Variants in MILR1 observed in about 807,000 individuals in gnomAD.
The protein encoded by MILR1 is mast cell immunoglobulin like receptor 1.
MILR1 carries 31 observed loss-of-function variants against 18.5 expected under a neutral mutation model. The ratio of observed to expected loss-of-function variants is 1.68; its 90% CI spans 1.26 to 2.26. The LOEUF is 2.26. Among genes scored for constraint, MILR1 ranks in the 30% most tolerant of loss-of-function variants. The pLI is 0.00. For synonymous variants in MILR1, 85 were observed against 56.2 expected (o/e 1.51, Z -2.30); for missense variants, 257 against 157.4 (o/e 1.63, Z -3.38).
chr17:64,495,512 G>C, the MILR1 span, among the ~76,000 whole-genome samples: 1 of 152,144 alleles, frequency 6.6e-6, no homozygotes, highest in African/African-American at 2.4e-5. Context: ...CCGAGGTCGA[G>C]GCTGCAGTGA....
chr17:64,483,648 C>T, the MILR1 span, among the ~76,000 whole-genome samples: 1 of 151,810 alleles, frequency 6.6e-6, no homozygotes, highest in Non-Finnish European at 1.5e-5. Flanking sequence ...CTTTCTCTCT[C>T]TTGTCAAAAC....
chr17:64,488,490 C>T, the MILR1 span, among the ~76,000 whole-genome samples: 1 of 152,034 alleles, frequency 6.6e-6, no homozygotes, highest in Non-Finnish European at 1.5e-5. Context: ...ACAGCTTGAG[C>T]CCAGGAATTC....
intron 5 of MILR1, among the ~76,000 whole-genome samples, chr17:64,461,727 C>A (rs2037436328): frequency 1.3e-5 from 2 of 152,100 alleles, no homozygotes; most frequent in African/African-American, 4.8e-5. Flanking sequence ...ACTTTTTCAT[C>A]TTCCCAAACT....
At chr17:64,477,004 T>C in the MILR1 span, among the ~76,000 whole-genome samples, 1 of 152,206 alleles carries the variant, frequency 6.6e-6, no homozygotes, top group Non-Finnish European at 1.5e-5. Context: ...AGATTTCTTA[T>C]AAACATAGAT....
chr17:64,455,157 C>G (rs1462645111), intron 3 of MILR1, among the ~76,000 whole-genome samples: 1 of 152,200 alleles, frequency 6.6e-6, no homozygotes, highest in African/African-American at 2.4e-5. Flanking sequence ...CTCTAGTGGT[C>G]AGACTCCTGC....
At chr17:64,474,982 T>C in the MILR1 span, among the ~76,000 whole-genome samples, 1 of 151,810 alleles carries the variant, frequency 6.6e-6, no homozygotes, top group Non-Finnish European at 1.5e-5. Flanking sequence ...TCACCTGAGG[T>C]CAGGAGTTCA....
chr17:64,485,579 C>T, the MILR1 span: 5 of 685,616 alleles, frequency 7.3e-6, no homozygotes, highest in Admixed American at 1.2e-4. Flanking sequence ...TTCCTGTGGC[C>T]AGATTCTAAA....
chr17:64,452,679 C>T lies in MILR1; in HGVS notation c.180C>T (p.Asn60=), dbSNP rs923592798. 1.1e-5 allele frequency: 5 copies of T among 472,970 alleles called. No individual in the cohort carries two copies. Among genetic ancestry groups the T allele is most frequent in the African/African-American group, 7.9e-5 (4 of 50,460 alleles). The allele number at this position is 472,970 out of a possible 1,614,324, so 29.3% of individuals were successfully genotyped here. A position where few individuals can be genotyped will look rare whatever the true frequency, so the allele number is the denominator to read the frequency against. Residue 60 remains asparagine, a synonymous_variant, in exon 3 of 10, where the codon AAC becomes AAT. Coordinates refer to ENST00000619286, the MANE Select transcript of MILR1 (RefSeq NM_001085423.2). Reference sequence around the variant, plus strand: ...TATCTATGTTTTGTTCCCATAAGAACAAATCACTGCAGATCACCTATTCAT... The same window carrying T: ...TATCTATGTTTTGTTCCCATAAGAATAAATCACTGCAGATCACCTATTCAT... ...QNVSMFCSHK[N]KSLQITYSLF...
chr17:64,493,408 C>A, the MILR1 span, among the ~76,000 whole-genome samples: 1 of 152,036 alleles, frequency 6.6e-6, no homozygotes, highest in South Asian at 2.1e-4. Flanking sequence ...CAGAGTGAAA[C>A]CCTGTCTTAA....
chr17:64,496,452 T>C, the MILR1 span: 1 of 1,595,026 alleles, frequency 6.3e-7, no homozygotes, highest in East Asian at 2.3e-5. Context: ...TTTAATACGT[T>C]CTCAAGAAAT....
the MILR1 span, among the ~76,000 whole-genome samples, chr17:64,497,334 A>G: frequency 1.3e-5 from 2 of 152,276 alleles, no homozygotes; most frequent in African/African-American, 4.8e-5. Flanking sequence ...CCAGAAAATT[A>G]AAATACTTCA....
At chr17:64,481,665 G>A in the MILR1 span, among the ~76,000 whole-genome samples, 1 of 152,096 alleles carries the variant, frequency 6.6e-6, no homozygotes, top group Non-Finnish European at 1.5e-5. Flanking sequence ...TTGAGGTCAG[G>A]AGTTGGAGAC....
chr17:64,495,456 T>TG, the MILR1 span, among the ~76,000 whole-genome samples: 1 of 151,872 alleles, frequency 6.6e-6, no homozygotes, highest in African/African-American at 2.4e-5. Flanking sequence ...GGCATGTGCC[T>TG]GTAGTCCAGC....
chr17:64,462,017 G>A (rs1290797687), intron 5 of MILR1, among the ~76,000 whole-genome samples: 1 of 152,038 alleles, frequency 6.6e-6, no homozygotes, highest in Non-Finnish European at 1.5e-5. Flanking sequence ...ATCCCCCATG[G>A]GTACCCGGGT....
intron 5 of MILR1, among the ~76,000 whole-genome samples, chr17:64,464,115 C>T (rs1391580524): frequency 3.7e-5 from 5 of 136,202 alleles, no homozygotes; most frequent in African/African-American, 5.5e-5. Context: ...CCGCGCCTGA[C>T]ATTTTTTTTT....
chr17:64,490,173 T>TCGGCCTCACA, the MILR1 span, among the ~76,000 whole-genome samples: 1 of 152,128 alleles, frequency 6.6e-6, no homozygotes, highest in South Asian at 2.1e-4. Context: ...TCCTCCCACT[T>TCGGCCTCACA]CGGCCTCACA....
At chr17:64,467,017 T>C (rs1246986665) in intron 8 of MILR1, among the ~76,000 whole-genome samples, 2 of 138,716 alleles carry the variant, frequency 1.4e-5, no homozygotes, top group African/African-American at 5.4e-5. Flanking sequence ...TTTCTTTTTC[T>C]TTCTTTCTCT....
chr17:64,489,539 T>C, the MILR1 span, among the ~76,000 whole-genome samples: 1 of 151,198 alleles, frequency 6.6e-6, no homozygotes, highest in Admixed American at 6.6e-5. Flanking sequence ...GGCAGGGGGA[T>C]TGTTTCATCC....
At chr17:64,462,918 G>A (rs2037465029) in intron 5 of MILR1, among the ~76,000 whole-genome samples, 1 of 150,914 alleles carries the variant, frequency 6.6e-6, no homozygotes, top group South Asian at 2.1e-4. Context: ...GAGCCATTAC[G>A]CCCGGCCCAC....
Sources: gnomAD v4.1 joint callset for allele counts (sites outside exome capture counted in the v4.1 genomes callset) on GRCh38, gnomAD v4.1.1 for gene constraint, MANE v1.5 for transcripts, NCBI Gene and HGNC (gene_info 2026-07-23, HGNC 2026-07-21) for gene names.